Variants in UVSSA observed in about 807,000 individuals in gnomAD.
UVSSA encodes UV-stimulated scaffold protein A.
Under a neutral mutation model 73.9 loss-of-function variants are expected in UVSSA, and 72 were observed. The observed-to-expected ratio is 0.97, with a 90% CI of 0.81 to 1.19. UVSSA has a LOEUF of 1.19. Among genes scored for constraint, UVSSA ranks in the 50% most tolerant of loss-of-function variants. The probability of loss-of-function intolerance (pLI) is 0.00; values close to 1 mark genes in which losing one functional copy is unlikely to be tolerated. For missense variants in UVSSA, 1,150 were observed against 965.0 expected (o/e 1.19, Z -2.54); for synonymous variants, 454 against 391.3 (o/e 1.16, Z -1.89).
Position 1,360,906 on chromosome 4 carries a change from G to T in UVSSA, c.1177-5414G>T, listed in dbSNP as rs369130435. Among the ~76,000 whole-genome samples, 3 of 152,338 alleles carry T rather than the reference G, an allele frequency of 2.0e-5. No individual in the cohort carries two copies. In the East Asian group the frequency reaches 5.8e-4, roughly 29 times the overall value. On this transcript the variant is annotated intron_variant, in intron 7 of 13. Transcript: ENST00000389851. The stretch of plus-strand genomic sequence containing the variant: ...ACCAGCTTCCTGAGCACTGCACCCA[G>T]TGCTCCTGCTCAGTAAGAACCAGGC...
In UVSSA at chr4:1,351,751, G is replaced by C. The variant is rs368797236; in HGVS notation, c.466G>C (p.Glu156Gln). The C allele has an allele frequency of 1.2e-6, 2 of 1,613,508 alleles. No individual in the cohort carries two copies. Among genetic ancestry groups the C allele is most frequent in the African/African-American group, 2.7e-5 (2 of 74,944 alleles). ...FQDTNARSLA[E>Q]RKREEEKQKH... is the part of the protein sequence containing the mutation. ...AGACACGAATGCTCGGAGTCTGGCA[G>C]AAAGGAAGAGAGAAGAGGAGAAGCA... Residue 156 changes from glutamate to glutamine, a missense_variant, in exon 4 of 14, where the codon GAA (glutamate) becomes CAA (glutamine). Physicochemically the swap from Glu to Gln is conservative, Grantham distance 29. Transcript: ENST00000389851.
chr4:1,362,929 T>C (rs1577327201), intron 7 of UVSSA, among the ~76,000 whole-genome samples: 1 of 152,170 alleles, frequency 6.6e-6, no homozygotes, highest in Non-Finnish European at 1.5e-5. Flanking sequence ...ATCTTCAGCA[T>C]CCCTGCCTGT....
intron 7 of UVSSA, among the ~76,000 whole-genome samples, chr4:1,361,311 G>C (rs2109157256): frequency 6.6e-6 from 1 of 152,356 alleles, no homozygotes; most frequent in South Asian, 2.1e-4. Context: ...GTCTGTCTGA[G>C]CCTCATTACT....
chr4:1,391,424 G>T (rs1207648684), downstream of UVSSA: 1 of 152,170 alleles, frequency 6.6e-6, no homozygotes, highest in Non-Finnish European at 1.5e-5. Context: ...TGAATGTGAG[G>T]TATTGAATCC....
chr4:1,354,787 C>T lies in UVSSA; in HGVS notation c.987C>T (p.Ala329=). ...ACAACCTTGCTCTCATCCACGCCGC[C>T]CGCGACACACTCAAGCTCATCCGGA... ...NEDNLALIHA[A]RDTLKLIRNK... is the part of the protein sequence containing the mutation. Residue 329 remains alanine (A), a synonymous_variant, in exon 6 of 14, where the codon GCC becomes GCT. Transcript: ENST00000389851. 6.2e-7 allele frequency: 1 copy of T among 1,613,654 alleles called. No homozygotes were observed. Among genetic ancestry groups the T allele is most frequent in the Middle Eastern group, 1.6e-4 (1 of 6,062 alleles).
exon 14 of UVSSA, chr4:1,395,520 C>T (rs777616074): frequency 5.4e-5 from 87 of 1,599,862 alleles, no homozygotes; most frequent in South Asian, 2.5e-4. Context: ...ACACACATGC[C>T]GATGTGGAGT....
chr4:1,371,828 A>G (rs1402968987), intron 8 of UVSSA, among the ~76,000 whole-genome samples: 1 of 152,190 alleles, frequency 6.6e-6, no homozygotes, highest in Non-Finnish European at 1.5e-5. Context: ...GAGCCAGACC[A>G]TATCAGATAG....
chr4:1,349,899 T>G, intron 3 of UVSSA, 45 bp downstream of exon 3: 1 of 1,461,478 alleles, frequency 6.8e-7, no homozygotes, highest in Non-Finnish European at 9.1e-7. Flanking sequence ...TTACCTGACG[T>G]GAGGAGGGCA....
At chr4:1,375,548 C>G (rs764318951) in intron 9 of UVSSA, 40 bp downstream of exon 9, 1 of 1,589,658 alleles carries the variant, frequency 6.3e-7, no homozygotes. Flanking sequence ...CCCTGCCCGG[C>G]GCTGCCACAG....
Position 1,394,608 on chromosome 4 carries a change from C to G in UVSSA, c.*8647C>G, listed in dbSNP as rs1266984627. ...CTGCTCATGTGCCCATGTGGAGTGC[C>G]CGCCTGCTCACACATGTCGATGCGG... On this transcript the variant is annotated 3_prime_UTR_variant, in exon 14 of 14. Transcript: ENST00000511216. 1.3e-6 allele frequency: 2 copies of G among 1,485,498 alleles called. 1 individual carries two copies. Among genetic ancestry groups the G allele is most frequent in the Non-Finnish European group, 1.8e-6 (2 of 1,104,820 alleles). 92.0% of individuals were successfully genotyped at this position (1,485,498 alleles called of 1,614,324 possible).
chr4:1,375,636 T>A (rs963219349), intron 9 of UVSSA, 128 bp downstream of exon 9: 2 of 1,417,966 alleles, frequency 1.4e-6, no homozygotes, highest in African/African-American at 2.9e-5. Context: ...GCCTTGGGTG[T>A]GTACCCCCGG....
rs140365902 is a variant in UVSSA at position 1,366,410 on chromosome 4, G to A, written c.1267G>A (p.Asp423Asn). The change falls in exon 8 of 14, where the codon GAC becomes AAC. Residue 423 changes from aspartate (D) to asparagine (N), a missense_variant. By Grantham distance (23) the Asp-to-Asn change is conservative. Transcript: ENST00000389851. ...GGAGGGGTATGAGCCACACATCCCC[G>A]ACCACTTGCGGCCTGAGTATGGTGA... Reference protein sequence around the residue: ...EKEGYEPHIPDHLRPEYGLEA... With the variant: ...EKEGYEPHIPNHLRPEYGLEA... 12 of 1,612,130 alleles carry A rather than the reference G, an allele frequency of 7.4e-6. No individual in the cohort carries two copies. The highest frequency in any genetic ancestry group is 5.0e-5 in the Admixed American group (3 of 59,708).
chr4:1,380,781 C>A, intron 11 of UVSSA, 99 bp from the exon 12 acceptor site: 1 of 1,585,810 alleles, frequency 6.3e-7, no homozygotes, highest in East Asian at 2.3e-5. Context: ...ATACCACCCA[C>A]CCTGGTCGCT....
chr4:1,394,432 CTA>C (rs1327381775), exon 14 of UVSSA: 3 of 1,598,138 alleles, frequency 1.9e-6, no homozygotes, highest in Non-Finnish European at 2.6e-6. Context: ...TGATCTACTT[CTA>C]GTTTTTGATA....
upstream of UVSSA, among the ~76,000 whole-genome samples, chr4:1,346,615 A>G (rs2109036150): frequency 6.6e-6 from 1 of 152,092 alleles, no homozygotes; most frequent in East Asian, 1.9e-4. Context: ...TCCCTTCCCG[A>G]GGCCGGAGCG....
intron 8 of UVSSA, among the ~76,000 whole-genome samples, chr4:1,372,758 C>CTCAT (rs1718243351): frequency 1.3e-5 from 1 of 76,712 alleles, no homozygotes; most frequent in African/African-American, 5.4e-5. Context: ...CCTGCACTCA[C>CTCAT]CTCCCGCGTC....
upstream of UVSSA, among the ~76,000 whole-genome samples, chr4:1,346,053 G>A (rs1008301312): frequency 3.5e-4 from 54 of 152,312 alleles, no homozygotes; most frequent in Non-Finnish European, 6.9e-4. Context: ...GCGGCTCGGG[G>A]CTGGCTGCAA....
intron 4 of UVSSA, among the ~76,000 whole-genome samples, chr4:1,352,758 C>G (rs1341663628): frequency 6.6e-6 from 1 of 152,232 alleles, no homozygotes; most frequent in Admixed American, 6.5e-5. Context: ...TTAAAGCCAG[C>G]CTGGGCAACA....
At position 1,394,967 on chromosome 4, in the gene UVSSA, C is replaced by A. The variant is rs373946226; in HGVS notation, c.*9006C>A. Reference sequence around the variant, plus strand: ...GAGTGCCCGCCTGCTCACACGTGCCCATGCGGAGTGCCCGCCTGCTCACAC... The same window carrying A: ...GAGTGCCCGCCTGCTCACACGTGCCAATGCGGAGTGCCCGCCTGCTCACAC... On this transcript the variant is annotated 3_prime_UTR_variant, in exon 14 of 14. Coordinates refer to the UVSSA transcript ENST00000511216. 46 of 661,014 alleles carry A rather than the reference C, an allele frequency of 7.0e-5. No homozygotes were observed. The East Asian group carries it at 1.7e-3, about 24-fold the overall frequency. 40.9% of individuals were successfully genotyped at this position (661,014 alleles called of 1,614,324 possible).
Sources: gnomAD v4.1 joint callset for allele counts (sites outside exome capture counted in the v4.1 genomes callset) on GRCh38, gnomAD v4.1.1 for gene constraint, MANE v1.5 for transcripts, NCBI Gene and HGNC (gene_info 2026-07-23, HGNC 2026-07-21) for gene names.